The following RACGAP1 variants were observed in gnomAD, a reference collection of about 807,000 sequenced individuals.
RACGAP1 encodes rac GTPase-activating protein 1.
Under a neutral mutation model 78.1 loss-of-function variants are expected in RACGAP1, and 30 were observed. The observed-to-expected ratio is 0.38, with a 90% CI of 0.29 to 0.52. The LOEUF (loss-of-function observed/expected upper bound fraction) is 0.52. Ranked by LOEUF, RACGAP1 falls within the 20% of genes least tolerant of loss-of-function variation. The pLI, the probability that RACGAP1 is intolerant of heterozygous loss-of-function variation, is 0.82. For synonymous variants in RACGAP1, 231 were observed against 264.8 expected (o/e 0.87, Z 1.24); for missense variants, 587 against 777.1 (o/e 0.76, Z 2.91).
Position 49,997,681 on chromosome 12 carries a change from G to A in RACGAP1, c.880-477C>T, listed in dbSNP as rs544547317. Among the ~76,000 whole-genome samples, 379 of 152,070 alleles carry A rather than the reference G, an allele frequency of 2.5e-3. 2 individuals are homozygous for A. The highest frequency in any genetic ancestry group is 7.8e-3 in the African/African-American group (322 of 41,476). On this transcript the variant is annotated intron_variant, in intron 9 of 16. Coordinates refer to ENST00000312377, the MANE Select transcript of RACGAP1 (RefSeq NM_001319999.2). ...CAACCTCCACCTCCCGGGTTCAAGC[G>A]ATTCTCCTGCCTCAGCCTCCCAAGT...
At chr12:49,999,359 G>A in intron 8 of RACGAP1, 88 bp from the exon 9 acceptor site, 4 of 1,477,646 alleles carry the variant, frequency 2.7e-6, no homozygotes, top group South Asian at 2.6e-5. Context: ...GAGATAAACA[G>A]TAATCTGTTA....
intron 1 of RACGAP1, 122 bp from the exon 2 acceptor site, chr12:50,016,841 G>A: frequency 7.2e-7 from 1 of 1,386,856 alleles, no homozygotes; most frequent in Non-Finnish European, 9.6e-7. Flanking sequence ...ACCATTATAA[G>A]AATCTCAAGC....
chr12:50,027,862 A>C (rs577077922), upstream of RACGAP1, among the ~76,000 whole-genome samples: 11 of 152,254 alleles, frequency 7.2e-5, no homozygotes, highest in South Asian at 1.9e-3. Context: ...ATACACGAGA[A>C]AGCGTTTATG....
chr12:50,032,845 G>C (rs1950347792), intron 1 of RACGAP1: 1 of 152,268 alleles, frequency 6.6e-6, no homozygotes. Flanking sequence ...TCCCGCGCGG[G>C]GGCGGCAAGC....
At chr12:50,027,327 G>A (rs1214607473), upstream of RACGAP1, among the ~76,000 whole-genome samples, 1 of 152,100 alleles carries the variant, frequency 6.6e-6, no homozygotes, top group East Asian at 1.9e-4. Flanking sequence ...ATAAGTAGTA[G>A]GACAAAGACA....
chr12:50,005,464 G>A, intron 3 of RACGAP1, 72 bp from the exon 4 acceptor site: 2 of 1,566,036 alleles, frequency 1.3e-6, no homozygotes, highest in East Asian at 2.3e-5. Flanking sequence ...TTATGGGACA[G>A]GCAGACCAGA....
chr12:50,005,260 T>G lies in RACGAP1; in HGVS notation c.421A>C (p.Lys141Gln), dbSNP rs760092336. The change falls in exon 4 of 17, where the codon AAA becomes CAA. Residue 141 changes from lysine to glutamine, a missense_variant. Transcript: ENST00000312377. ...GQPSSSNAGNKRLSTIDESGS... is the reference protein window; with the variant it reads ...GQPSSSNAGNQRLSTIDESGS... The stretch of plus-strand genomic sequence containing the variant: ...CAACAGATGCAGTTCCTCCACCTTT[T>G]GTTCCCAGCATTGCTGCTGGATGGT... 3.1e-6 allele frequency: 5 copies of G among 1,614,120 alleles called. No individual in the cohort carries two copies. Among genetic ancestry groups the G allele is most frequent in the Non-Finnish European group, 4.2e-6 (5 of 1,180,004 alleles).
At chr12:50,031,030 T>C (rs1370822740) in intron 2 of RACGAP1, among the ~76,000 whole-genome samples, 1 of 151,612 alleles carries the variant, frequency 6.6e-6, no homozygotes, top group Non-Finnish European at 1.5e-5. Flanking sequence ...TCCATCTGCC[T>C]TGGTCTCCCA....
chr12:49,999,023 G>C, intron 9 of RACGAP1, 118 bp downstream of exon 9: 1 of 1,243,788 alleles, frequency 8.0e-7, no homozygotes, highest in Non-Finnish European at 1.1e-6. Flanking sequence ...AGTAAAATTG[G>C]AATGAGGAAG....
intron 5 of RACGAP1, chr12:50,002,681 G>A (rs1948752043): frequency 6.3e-6 from 1 of 159,362 alleles, no homozygotes. Flanking sequence ...TTGCCCCCAA[G>A]GGATTGCCAC....
At chr12:50,018,465 G>T in intron 1 of RACGAP1, 1 of 1,069,874 alleles carries the variant, frequency 9.3e-7, no homozygotes, top group Non-Finnish European at 1.3e-6. Flanking sequence ...AAGAGCTGTG[G>T]AATTCATGGA....
At chr12:50,026,349 TAAAAA>T (rs59207359), upstream of RACGAP1, among the ~76,000 whole-genome samples, 1 of 142,512 alleles carries the variant, frequency 7.0e-6, no homozygotes, top group Middle Eastern at 3.3e-3. Context: ...GTCCTTAATT[TAAAAA>T]AAAAAAAAGA....
At chr12:50,002,428 G>T in intron 5 of RACGAP1, 128 bp from the exon 6 acceptor site, 3 of 651,648 alleles carry the variant, frequency 4.6e-6, no homozygotes, top group Non-Finnish European at 7.7e-6. Context: ...TTCGGGGAGG[G>T]TTAGAGAAGG....
chr12:50,002,089 AAG>A (rs1948717163), intron 6 of RACGAP1, among the ~76,000 whole-genome samples, 156 bp downstream of exon 6: 1 of 151,878 alleles, frequency 6.6e-6, no homozygotes, highest in Non-Finnish European at 1.5e-5. Context: ...AAAAAAAAAA[AAG>A]AATATCAATA....
intron 12 of RACGAP1, among the ~76,000 whole-genome samples, chr12:49,993,882 A>T (rs570837602): frequency 2.4e-4 from 36 of 151,746 alleles, no homozygotes; most frequent in Admixed American, 1.8e-3. Flanking sequence ...CATCTCTACT[A>T]AAGATAGAAA....
chr12:49,990,403 C>G, intron 16 of RACGAP1, 60 bp from the exon 17 acceptor site: 1 of 1,409,224 alleles, frequency 7.1e-7, no homozygotes, highest in Admixed American at 1.7e-5. Flanking sequence ...GAATAAACAA[C>G]TATAATATTA....
intron 1 of RACGAP1, among the ~76,000 whole-genome samples, chr12:50,020,163 A>T (rs1949925649): frequency 6.6e-6 from 1 of 152,078 alleles, no homozygotes; most frequent in Non-Finnish European, 1.5e-5. Context: ...CTTCACGTAC[A>T]CTTTTTCTTT....
Position 49,990,306 on chromosome 12 carries a change from G to A in RACGAP1, c.1861C>T (p.Arg621Ter), listed in dbSNP as rs754754375. ...SKSKSATNLG[R>*]QGNFFASPML... ...GGAGAAGCAAAAAAGTTGCCTTGTC[G>A]TCCTAGGTTAGTGGCAGACTTGCTT... Residue 621 changes from arginine to a stop codon, truncating the protein, a stop_gained, in exon 17 of 17, where the codon CGA becomes TGA. Transcript: ENST00000312377. LOFTEE classifies it high-confidence loss of function. 1.3e-5 allele frequency: 21 copies of A among 1,613,784 alleles called. No individual in the cohort carries two copies. Among genetic ancestry groups the A allele is most frequent in the Admixed American group, 3.3e-5 (2 of 59,998 alleles).
In RACGAP1 at chr12:49,990,690, G is replaced by C. The variant is rs765079337; in HGVS notation, c.1817C>G (p.Thr606Ser). Residue 606 changes from threonine to serine, a missense_variant, in exon 16 of 17, where the codon ACT becomes AGT. Thr to Ser is a moderately conservative substitution (Grantham distance 58, BLOSUM62 1). Coordinates refer to ENST00000312377, the MANE Select transcript of RACGAP1 (RefSeq NM_001319999.2). ...GAAGGCCAATTCTGCATACCTAGGA[G>C]TGTTCTTGGTGAGGGTGGAACGGAC... The part of the protein sequence containing the change: ...QRVRSTLTKN[T>S]PRFGSKSKSA... 1.1e-5 allele frequency: 18 copies of C among 1,607,926 alleles called. No homozygotes were observed. Among genetic ancestry groups the C allele is most frequent in the Non-Finnish European group, 1.5e-5 (18 of 1,174,566 alleles).
Sources: gnomAD v4.1 joint callset for allele counts (sites outside exome capture counted in the v4.1 genomes callset) on GRCh38, gnomAD v4.1.1 for gene constraint, MANE v1.5 for transcripts, NCBI Gene and HGNC (gene_info 2026-07-23, HGNC 2026-07-21) for gene names.